BICDL2: variants seen among roughly 807,000 people sequenced by gnomAD.
The protein encoded by BICDL2 is BICD family like cargo adaptor 2.
A neutral mutation model predicts 56.6 loss-of-function variants in BICDL2; 62 were observed. The observed-to-expected ratio is 1.10, with a 90% CI of 0.89 to 1.35. The LOEUF is 1.35. Ranked by LOEUF, BICDL2 falls within the 40% of genes most tolerant of loss-of-function variation. The probability of loss-of-function intolerance (pLI) is 0.00; values close to 1 mark genes in which losing one functional copy is unlikely to be tolerated. For missense variants in BICDL2, 808 were observed against 684.5 expected, an observed-to-expected ratio of 1.18 and a Z score of -2.01; for synonymous variants, 358 against 319.8, an observed-to-expected ratio of 1.12 and a Z score of -1.27.
In BICDL2 at chr16:3,027,717, T is replaced by C; in HGVS notation, c.*389A>G. On this transcript the variant is annotated 3_prime_UTR_variant, in exon 10 of 10. Transcript: ENST00000572449. ...AGAGTGTTTTTCATTTTCTTTTTTT[T>C]TTTTTTTTTACAATAAAGTTTCAGG... The C allele has an allele frequency of 1.3e-6, 2 of 1,541,092 alleles. No individual in the cohort carries two copies. Among genetic ancestry groups the C allele is most frequent in the Non-Finnish European group, 1.7e-6 (2 of 1,146,488 alleles).
chr16:3,035,103 C>T (rs1955711637), intron 2 of BICDL2, 112 bp downstream of exon 2: 3 of 1,139,442 alleles, frequency 2.6e-6, no homozygotes, highest in South Asian at 3.1e-5. Flanking sequence ...GCCCGGCTGT[C>T]CTCCCCAGCT....
In BICDL2 at chr16:3,035,551, C is replaced by T. The variant is rs924169221; in HGVS notation, c.-30-25G>A. 4.5e-6 allele frequency: 7 copies of T among 1,538,948 alleles called. No homozygotes were observed. In the African/African-American group the frequency reaches 9.6e-5, roughly 21 times the overall value. On this transcript the variant is annotated intron_variant, in intron 1 of 9. Coordinates refer to ENST00000572449, the MANE Select transcript of BICDL2 (RefSeq NM_001369667.1). Reference sequence around the variant, plus strand: ...GCTGCGGGACACTCTACTCTGCAGCCTGACAGGGGCTCACCCTCCGCCCAG... The same window carrying T: ...GCTGCGGGACACTCTACTCTGCAGCTTGACAGGGGCTCACCCTCCGCCCAG...
At chr16:3,028,975 G>C (rs557300600) in intron 7 of BICDL2, 145 bp from the exon 8 acceptor site, 20 of 1,136,320 alleles carry the variant, frequency 1.8e-5, no homozygotes, top group Admixed American at 2.6e-5. Flanking sequence ...TGGAGACTCC[G>C]ATATGAGCCC....
intron 1 of BICDL2, chr16:3,036,060 C>G (rs1473828236): frequency 2.1e-5 from 7 of 332,552 alleles, no homozygotes. Context: ...CGCCCTCATT[C>G]TCCTGCTACC....
rs971509252 is a variant in BICDL2 at position 3,028,394 on chromosome 16, G to A, written c.1313C>T (p.Ala438Val). 6.4e-6 allele frequency: 10 copies of A among 1,551,870 alleles called. No individual in the cohort carries two copies. The highest frequency in any genetic ancestry group is 2.2e-4 in the Middle Eastern group (1 of 4,564). Reference sequence around the variant, plus strand: ...CGTGAGCGCCACCTTCTGGCGGATGGCGCGCAGCAGCTCCCGAGACAGGGA... The same window carrying A: ...CGTGAGCGCCACCTTCTGGCGGATGACGCGCAGCAGCTCCCGAGACAGGGA... ...RDSLSRELLR[A>V]IRQKVALTQE... is the part of the protein sequence containing the mutation. Residue 438 changes from alanine (A) to valine (V), a missense_variant, in exon 9 of 10, where the codon GCC (alanine) becomes GTC (valine). Physicochemically the swap from Ala to Val is moderately conservative, Grantham distance 64. Coordinates refer to ENST00000572449, the MANE Select transcript of BICDL2 (RefSeq NM_001369667.1).
intron 3 of BICDL2, 49 bp from the exon 4 acceptor site, chr16:3,030,861 G>A (rs778948826): frequency 1.3e-6 from 2 of 1,562,594 alleles, no homozygotes; most frequent in South Asian, 2.3e-5. Context: ...CAAGCCCAAT[G>A]CACCTACTCC....
At chr16:3,036,065 G>C in intron 1 of BICDL2, 2 of 329,408 alleles carry the variant, frequency 6.1e-6, no homozygotes, top group Non-Finnish European at 1.2e-5. Flanking sequence ...TCATTCTCCT[G>C]CTACCTCCTG....
chr16:3,031,594 T>C, intron 2 of BICDL2: 1 of 411,180 alleles, frequency 2.4e-6, no homozygotes, highest in East Asian at 3.5e-5. Context: ...TAATTAACCC[T>C]GGTCAGCCCC....
Position 3,028,140 on chromosome 16 carries a change from C to T in BICDL2, c.1493G>A (p.Gly498Asp). 2 of 1,439,608 alleles carry T rather than the reference C, an allele frequency of 1.4e-6. No homozygotes were observed. The highest frequency in any genetic ancestry group is 1.8e-6 in the Non-Finnish European group (2 of 1,103,894). 89.2% of individuals were successfully genotyped at this position (1,439,608 alleles called of 1,614,324 possible). A position where few individuals can be genotyped will look rare whatever the true frequency, so the allele number is the denominator to read the frequency against. ...FSLRLGPGPAGGFLSNLFRRT is the reference protein window; with the variant it reads ...FSLRLGPGPADGFLSNLFRRT ...TCGGAAGAGGTTACTGAGAAAGCCA[C>T]CGGCGGGCCCGGGGCCCAGGCGCAG... The change falls in exon 10 of 10, where the codon GGT (glycine) becomes GAT (aspartate). Residue 498 changes from glycine (G) to aspartate (D), a missense_variant. By Grantham distance (94) the Gly-to-Asp change is moderately conservative (BLOSUM62 -1). Transcript: ENST00000572449.
intron 1 of BICDL2, chr16:3,036,171 C>G (rs1955730702): frequency 9.3e-6 from 4 of 428,960 alleles, no homozygotes; most frequent in Non-Finnish European, 1.8e-5. Context: ...TTCCACGGGA[C>G]TCAGGCATTC....
intron 2 of BICDL2, among the ~76,000 whole-genome samples, chr16:3,034,711 C>CTTCCT (rs1955705953): frequency 2.4e-5 from 3 of 127,080 alleles, no homozygotes; most frequent in African/African-American, 8.9e-5. Context: ...TCCTTCCTTC[C>CTTCCT]TTTTTTTTTT....
chr16:3,029,627 G>A lies in BICDL2; in HGVS notation c.875C>T (p.Ala292Val). 1 of 1,536,954 alleles carries A rather than the reference G, an allele frequency of 6.5e-7. No individual in the cohort carries two copies. The highest frequency in any genetic ancestry group is 8.7e-7 in the Non-Finnish European group (1 of 1,145,672). The change falls in exon 6 of 10, where the codon GCT (alanine) becomes GTT (valine). Residue 292 changes from alanine to valine, a missense_variant. Physicochemically the swap from Ala to Val is moderately conservative, Grantham distance 64. Transcript: ENST00000572449. The stretch of plus-strand genomic sequence containing the variant: ...GGCCAGTTCTGACTGCAACGAGGCA[G>A]CCGACACGTCGGCGTCCTGGAGGCG... ...ESRLQDADVS[A>V]ASLQSELAHS...
chr16:3,030,047 C>T (rs532931138), intron 5 of BICDL2: 5 of 488,118 alleles, frequency 1.0e-5, no homozygotes, highest in Non-Finnish European at 1.8e-5. Context: ...GCTTGTCCCA[C>T]AGTAGTAAGT....
chr16:3,029,402 C>T lies in BICDL2; in HGVS notation c.985G>A (p.Ala329Thr), dbSNP rs745893983. The change falls in exon 7 of 10, where the codon GCG becomes ACG. Residue 329 changes from alanine (A) to threonine (T), a missense_variant. Coordinates refer to ENST00000572449, the MANE Select transcript of BICDL2 (RefSeq NM_001369667.1). ...PTTRSPKTRK[A>T]SSPQPSPPEE... ...GGGGGTGAAGGCTGGGGGCTGGACG[C>T]CTTTCGGGTCTTTGGGGACCGGGTG... 3 of 1,607,230 alleles carry T rather than the reference C, an allele frequency of 1.9e-6. No homozygotes were observed. The highest frequency in any genetic ancestry group is 2.7e-5 in the African/African-American group (2 of 74,830).
chr16:3,033,268 G>T (rs1395217837), intron 2 of BICDL2, among the ~76,000 whole-genome samples: 1 of 152,144 alleles, frequency 6.6e-6, no homozygotes, highest in Non-Finnish European at 1.5e-5. Flanking sequence ...TCGCACCACT[G>T]CACTCCAGCC....
chr16:3,035,535 C>A lies in BICDL2; in HGVS notation c.-30-9G>T, dbSNP rs560645771. ...TCTGCGGGGACAGGTGGCTGCGGGA[C>A]ACTCTACTCTGCAGCCTGACAGGGG... On this transcript the variant is annotated splice_polypyrimidine_tract_variant and intron_variant, in intron 1 of 9. Transcript: ENST00000572449. 10 of 1,573,602 alleles carry A rather than the reference C, an allele frequency of 6.4e-6. No homozygotes were observed. Among genetic ancestry groups the A allele is most frequent in the African/African-American group, 1.4e-5 (1 of 73,812 alleles).
chr16:3,036,605 C>A, intron 1 of BICDL2: 1 of 451,322 alleles, frequency 2.2e-6, no homozygotes. Flanking sequence ...TCGCGGGCCC[C>A]GCTCCCCCGC....
intron 5 of BICDL2, 55 bp from the exon 6 acceptor site, chr16:3,029,794 C>G (rs1955627027): frequency 2.8e-6 from 4 of 1,405,962 alleles, no homozygotes; most frequent in Non-Finnish European, 2.8e-6. Context: ...GCACGCAACG[C>G]CGACATCCCG....
In BICDL2 at chr16:3,030,963, T is replaced by C. The variant is rs964345552; in HGVS notation, c.470A>G (p.Asn157Ser). The C allele has an allele frequency of 1.9e-6, 3 of 1,550,812 alleles. No individual in the cohort carries two copies. Among genetic ancestry groups the C allele is most frequent in the African/African-American group, 1.4e-5 (1 of 73,518 alleles). ...ARALSELSEQ[N>S]LRLSQQLAQA... The stretch of plus-strand genomic sequence containing the variant: ...AGCCAGCTGCTGGCTGAGCCGGAGG[T>C]TCTGCTCGCTGAGCTCGCTGAGGGC... The change falls in exon 3 of 10, where the codon AAC becomes AGC. Residue 157 changes from asparagine to serine, a missense_variant. By Grantham distance (46) the Asn-to-Ser change is conservative. Coordinates refer to ENST00000572449, the MANE Select transcript of BICDL2 (RefSeq NM_001369667.1).
Sources: gnomAD v4.1 joint callset for allele counts (sites outside exome capture counted in the v4.1 genomes callset) on GRCh38, gnomAD v4.1.1 for gene constraint, MANE v1.5 for transcripts, NCBI Gene and HGNC (gene_info 2026-07-23, HGNC 2026-07-21) for gene names.